The following SRL variants were observed in gnomAD, a reference collection of about 807,000 sequenced individuals.
SRL encodes the protein sarcalumenin.
Under a neutral mutation model 39.5 loss-of-function variants are expected in SRL, and 23 were observed. The ratio of observed to expected loss-of-function variants is 0.58; its 90% CI spans 0.42 to 0.82. SRL has a LOEUF of 0.82. Among genes scored for constraint, SRL ranks in the 40% least tolerant of loss-of-function variants. The pLI is 0.00. For missense variants in SRL, 592 were observed against 607.8 expected, an observed-to-expected ratio of 0.97 and a Z score of 0.27; for synonymous variants, 272 against 237.4, an observed-to-expected ratio of 1.15 and a Z score of -1.34.
In SRL at chr16:4,215,148, C is replaced by A. The variant is rs112260926; in HGVS notation, c.62-10514G>T. Among the ~76,000 whole-genome samples, 1,154 of 152,344 alleles carry A rather than the reference C, an allele frequency of 7.6e-3. 13 individuals carry two copies. The highest frequency in any genetic ancestry group is 0.041 in the Middle Eastern group (12 of 294). Reference sequence around the variant, plus strand: ...AAGGACCCGAGAAGAGAAATTCTGGCTGGAGGAAGGCTTGTCTGCATTCTC... The same window carrying A: ...AAGGACCCGAGAAGAGAAATTCTGGATGGAGGAAGGCTTGTCTGCATTCTC... On this transcript the variant is annotated intron_variant, in intron 1 of 5. Coordinates refer to ENST00000399609, the MANE Select transcript of SRL (RefSeq NM_001098814.2).
chr16:4,211,326 T>TA (rs1394718735), intron 1 of SRL, among the ~76,000 whole-genome samples: 1 of 152,202 alleles, frequency 6.6e-6, no homozygotes, highest in East Asian at 1.9e-4. Context: ...GGGGGTCTCC[T>TA]AGGGCCTGGC....
chr16:4,223,089 G>A (rs1406838992), intron 1 of SRL, among the ~76,000 whole-genome samples: 1 of 151,858 alleles, frequency 6.6e-6, no homozygotes, highest in African/African-American at 2.4e-5. Context: ...AAAATTAGCC[G>A]GGCATGGTGA....
chr16:4,207,523 C>G (rs1268794198), intron 1 of SRL: 2 of 456,498 alleles, frequency 4.4e-6, no homozygotes, highest in African/African-American at 4.0e-5. Context: ...CCATCACCCT[C>G]TGAGTGAGGA....
intron 3 of SRL, among the ~76,000 whole-genome samples, chr16:4,199,269 C>T (rs554890360): frequency 6.6e-6 from 1 of 152,196 alleles, no homozygotes; most frequent in African/African-American, 2.4e-5. Context: ...GCCCTGACAC[C>T]CCCTGGAATA....
chr16:4,201,900 C>T (rs1038224367), intron 3 of SRL, among the ~76,000 whole-genome samples: 2 of 151,694 alleles, frequency 1.3e-5, no homozygotes, highest in Non-Finnish European at 2.9e-5. Flanking sequence ...ATGATCTGCC[C>T]GCCTTGGCCT....
intron 1 of SRL, among the ~76,000 whole-genome samples, chr16:4,234,805 G>C (rs1367865148): frequency 6.6e-6 from 1 of 152,224 alleles, no homozygotes; most frequent in East Asian, 1.9e-4. Flanking sequence ...ACCCAGAAGA[G>C]AAACCCCTGC....
In SRL at chr16:4,192,542, G is replaced by C; in HGVS notation, c.1033C>G (p.Leu345Val). 1.9e-6 allele frequency: 3 copies of C among 1,614,202 alleles called. No homozygotes were observed. The highest frequency in any genetic ancestry group is 2.5e-6 in the Non-Finnish European group (3 of 1,180,032). Reference sequence around the variant, plus strand: ...GTCTGCAGGTAGCGGTCAACCAGGAGGGCGTGGATGCGGACCCGGATGGCG... The same window carrying C: ...GTCTGCAGGTAGCGGTCAACCAGGACGGCGTGGATGCGGACCCGGATGGCG... ...QHAIRVRIHA[L>V]LVDRYLQTYK... Residue 345 changes from leucine to valine, a missense_variant, in exon 6 of 6, where the codon CTC becomes GTC. Physicochemically the swap from Leu to Val is conservative, Grantham distance 32. Transcript: ENST00000399609. The surrounding 1 kb of genome is among the most constrained non-coding windows in gnomAD (Gnocchi z 4.0).
chr16:4,224,297 A>G (rs1460382724), intron 1 of SRL, among the ~76,000 whole-genome samples: 1 of 152,182 alleles, frequency 6.6e-6, no homozygotes, highest in Non-Finnish European at 1.5e-5. Flanking sequence ...CCCACCCCTC[A>G]GACTTGCAGT....
intron 1 of SRL, among the ~76,000 whole-genome samples, chr16:4,222,938 A>C (rs2052546414): frequency 6.6e-6 from 1 of 151,964 alleles, no homozygotes. Flanking sequence ...TACTAAAAAC[A>C]CAAAAATTAG....
intron 4 of SRL, 143 bp from the exon 5 acceptor site, chr16:4,195,929 T>C (rs906281140): frequency 5.9e-6 from 4 of 677,626 alleles, no homozygotes; most frequent in Middle Eastern, 4.1e-4. Context: ...GGCTTTCTTT[T>C]AATTGTGGTA....
chr16:4,200,530 G>A (rs888690834), intron 3 of SRL, among the ~76,000 whole-genome samples: 3 of 152,192 alleles, frequency 2.0e-5, no homozygotes, highest in Middle Eastern at 3.2e-3. Flanking sequence ...GCAAGGAAGC[G>A]GGACCTCCCT....
At chr16:4,216,912 G>T (rs1357951138) in intron 1 of SRL, among the ~76,000 whole-genome samples, 1 of 152,166 alleles carries the variant, frequency 6.6e-6, no homozygotes, top group Non-Finnish European at 1.5e-5. Context: ...CTAACTTTTG[G>T]GCCCCAGACA....
At chr16:4,205,471 C>G (rs1296356154) in intron 1 of SRL, among the ~76,000 whole-genome samples, 1 of 152,096 alleles carries the variant, frequency 6.6e-6, no homozygotes, top group African/African-American at 2.4e-5. Context: ...GAGGTGGCCA[C>G]AGAAGGAAAC....
chr16:4,207,700 C>T (rs752911149), intron 1 of SRL: 1 of 413,176 alleles, frequency 2.4e-6, no homozygotes, highest in Non-Finnish European at 4.8e-6. Flanking sequence ...GTCTCCTCCT[C>T]TCCTTGTCCC....
intron 1 of SRL, among the ~76,000 whole-genome samples, chr16:4,205,604 G>A (rs1310067459): frequency 3.9e-5 from 6 of 152,122 alleles, no homozygotes; most frequent in Admixed American, 6.5e-5. Flanking sequence ...GGAGAGAAGC[G>A]TTCTGCAAAA....
In SRL at chr16:4,241,999, G is replaced by T. The variant is rs374888728; in HGVS notation, c.61+8C>A. 4 of 1,613,656 alleles carry T rather than the reference G, an allele frequency of 2.5e-6. No individual in the cohort carries two copies. The highest frequency in any genetic ancestry group is 2.5e-6 in the Non-Finnish European group (3 of 1,179,952). On this transcript the variant is annotated splice_region_variant and intron_variant, in intron 1 of 5. Transcript: ENST00000399609. ...GTCTGGGCTGGGTCATGCTGGGAGGGGCCCTACCTGCTTGTCCTGAGAACA... is the reference window on the plus strand; with the variant it reads ...GTCTGGGCTGGGTCATGCTGGGAGGTGCCCTACCTGCTTGTCCTGAGAACA...
intron 1 of SRL, among the ~76,000 whole-genome samples, chr16:4,232,251 T>G (rs983500599): frequency 2.0e-5 from 3 of 152,214 alleles, no homozygotes; most frequent in Non-Finnish European, 4.4e-5. Context: ...TACTTGACAC[T>G]TCTCCAGTTC....
chr16:4,217,934 C>A (rs942293293), intron 1 of SRL, among the ~76,000 whole-genome samples: 2 of 152,120 alleles, frequency 1.3e-5, no homozygotes, highest in African/African-American at 4.8e-5. Context: ...GCCAGGGACT[C>A]CTCCTCCCTG....
intron 1 of SRL, among the ~76,000 whole-genome samples, chr16:4,224,658 C>T (rs375676102): frequency 1.7e-4 from 26 of 151,116 alleles, no homozygotes; most frequent in South Asian, 4.2e-4. Context: ...TTGCAGTGAG[C>T]GGAGATTGCG....
Sources: gnomAD v4.1 joint callset for allele counts (sites outside exome capture counted in the v4.1 genomes callset) on GRCh38, gnomAD v4.1.1 for gene constraint, Gnocchi (gnomAD v3.1) non-coding constraint, MANE v1.5 for transcripts, NCBI Gene and HGNC (gene_info 2026-07-23, HGNC 2026-07-21) for gene names.